The following DOP1B variants were observed in gnomAD, a reference collection of about 807,000 sequenced individuals.
DOP1B encodes the protein DOP1 leucine zipper like protein B.
In DOP1B, 174 loss-of-function variants were observed where a neutral mutation model predicts 233.5. The observed-to-expected ratio is 0.75, with a 90% CI of 0.66 to 0.85. The LOEUF is 0.85. DOP1B is among the 40% of genes least tolerant of loss of function. DOP1B has a pLI of 0.00. For missense variants in DOP1B, 2,652 were observed against 2,846.6 expected (o/e 0.93, Z 1.56); for synonymous variants, 1,190 against 1,185.6 (o/e 1.00, Z -0.08).
chr21:36,199,665 C>T (rs1192297491), intron 3 of DOP1B, among the ~76,000 whole-genome samples: 1 of 152,136 alleles, frequency 6.6e-6, no homozygotes, highest in Admixed American at 6.5e-5. Flanking sequence ...CAATCCCCAC[C>T]TATGAGTGAG....
intron 2 of DOP1B, among the ~76,000 whole-genome samples, chr21:36,196,085 A>G (rs574640782): frequency 6.6e-6 from 1 of 152,254 alleles, no homozygotes; most frequent in Non-Finnish European, 1.5e-5. Flanking sequence ...AGACTGAGGG[A>G]ACCTCTTAGG....
chr21:36,236,781 T>TC (rs955331556), intron 15 of DOP1B, among the ~76,000 whole-genome samples: 50 of 145,384 alleles, frequency 3.4e-4, no homozygotes, highest in Middle Eastern at 3.4e-3. Flanking sequence ...CTTTTTCTTT[T>TC]TTTTTTTTTT....
At chr21:36,273,925 G>T (rs965028908) in intron 27 of DOP1B, among the ~76,000 whole-genome samples, 1 of 151,750 alleles carries the variant, frequency 6.6e-6, no homozygotes, top group Non-Finnish European at 1.5e-5. Context: ...AATACAAAAA[G>T]AAATTAGCCG....
At chr21:36,293,270 C>T in intron 36 of DOP1B, 50 bp from the exon 37 acceptor site, 4 of 1,583,070 alleles carry the variant, frequency 2.5e-6, no homozygotes, top group Non-Finnish European at 3.4e-6. Context: ...CCAGCCATCT[C>T]GAGCCCTCAG....
chr21:36,215,867 G>A (rs1290946377), intron 9 of DOP1B, among the ~76,000 whole-genome samples: 34 of 99,926 alleles, frequency 3.4e-4, no homozygotes, highest in Middle Eastern at 5.2e-3. Flanking sequence ...ACAAAAATTA[G>A]CTGGGCATGG....
At chr21:36,251,121 C>T in intron 21 of DOP1B, 41 bp from the exon 22 acceptor site, 1 of 1,595,172 alleles carries the variant, frequency 6.3e-7, no homozygotes, top group East Asian at 2.2e-5. Flanking sequence ...GCCATAGCCC[C>T]AATATTACTC....
chr21:36,178,448 AAAGG>A (rs2066056475), intron 2 of DOP1B, among the ~76,000 whole-genome samples: 1 of 151,868 alleles, frequency 6.6e-6, no homozygotes, highest in Admixed American at 6.6e-5. Context: ...AAAAAAAAAA[AAAGG>A]AAGAGGAAGA....
At chr21:36,234,505 T>C (rs1294479905) in intron 15 of DOP1B, among the ~76,000 whole-genome samples, 1 of 152,158 alleles carries the variant, frequency 6.6e-6, no homozygotes, top group Admixed American at 6.5e-5. Context: ...TTTCATGTAG[T>C]ACATATTCAA....
chr21:36,210,452 C>G (rs2066482612), intron 5 of DOP1B, among the ~76,000 whole-genome samples: 1 of 152,148 alleles, frequency 6.6e-6, no homozygotes, highest in South Asian at 2.1e-4. Context: ...CAAGACCACC[C>G]TGGCCAACAT....
rs752412718 is a variant in DOP1B at position 36,280,299 on chromosome 21, T to C, written c.5984T>C (p.Ile1995Thr). ...DTSCVHWKSI[I>T]DHLLTHEKTM... ...TTAATATCCAGTTGGAAGTCCATTA[T>C]TGACCATCTTTTGACTCATGAGAAA... The change falls in exon 31 of 37, where the codon ATT becomes ACT. Residue 1995 changes from isoleucine (I) to threonine (T), a missense_variant. Physicochemically the swap from Ile to Thr is moderately conservative, Grantham distance 89 (BLOSUM62 -1). Coordinates refer to ENST00000691173, the MANE Select transcript of DOP1B (RefSeq NM_001320714.2). 6.2e-7 allele frequency: 1 copy of C among 1,609,064 alleles called. No homozygotes were observed. The highest frequency in any genetic ancestry group is 1.7e-4 in the Middle Eastern group (1 of 6,050).
chr21:36,276,346 CAT>C (rs2067349007), intron 27 of DOP1B, among the ~76,000 whole-genome samples: 1 of 152,004 alleles, frequency 6.6e-6, no homozygotes, highest in Non-Finnish European at 1.5e-5. Flanking sequence ...CCCTGGGCAA[CAT>C]AGCAAGACTT....
chr21:36,208,707 A>G lies in DOP1B; in HGVS notation c.492-8A>G. ...GAGCCCTTGAACCCTATCCTCTCTC[A>G]TCAACAGAACGGATGCTCTGCTCCT... On this transcript the variant is annotated splice_region_variant and splice_polypyrimidine_tract_variant and intron_variant, in intron 4 of 36. Coordinates refer to ENST00000691173, the MANE Select transcript of DOP1B (RefSeq NM_001320714.2). The G allele has an allele frequency of 6.2e-7, 1 of 1,611,922 alleles. No individual in the cohort carries two copies. Among genetic ancestry groups the G allele is most frequent in the Non-Finnish European group, 8.5e-7 (1 of 1,179,040 alleles).
intron 4 of DOP1B, among the ~76,000 whole-genome samples, chr21:36,207,887 C>G (rs2123487038): frequency 6.6e-6 from 1 of 152,234 alleles, no homozygotes; most frequent in South Asian, 2.1e-4. Context: ...GCACTGAGGA[C>G]AGGGAAAGGG....
intron 2 of DOP1B, among the ~76,000 whole-genome samples, chr21:36,173,267 A>G (rs2065989275): frequency 6.6e-6 from 1 of 152,184 alleles, no homozygotes; most frequent in Non-Finnish European, 1.5e-5. Flanking sequence ...TTGGAGGAGA[A>G]GACTCATCCA....
intron 11 of DOP1B, among the ~76,000 whole-genome samples, chr21:36,224,173 G>A (rs780268471): frequency 5.4e-4 from 82 of 151,424 alleles, no homozygotes; most frequent in African/African-American, 1.8e-3. Flanking sequence ...ATTTTATGAC[G>A]GAGTCTCTGT....
At chr21:36,189,487 C>T (rs2066205630) in intron 2 of DOP1B, among the ~76,000 whole-genome samples, 1 of 152,312 alleles carries the variant, frequency 6.6e-6, no homozygotes, top group South Asian at 2.1e-4. Flanking sequence ...GTAATCCCAG[C>T]ACTTTGGGAG....
chr21:36,219,367 T>G lies in DOP1B; in HGVS notation c.1130-5T>G. 6.2e-7 allele frequency: 1 copy of G among 1,614,168 alleles called. No homozygotes were observed. The highest frequency in any genetic ancestry group is 8.5e-7 in the Non-Finnish European group (1 of 1,180,026). ...TGTCTCTGACCATCTTCCTTCTAAT[T>G]ACAGGGCCTCAAGTGGTTGGGAATT... On this transcript the variant is annotated splice_region_variant and splice_polypyrimidine_tract_variant and intron_variant, in intron 9 of 36. Transcript: ENST00000691173.
intron 11 of DOP1B, among the ~76,000 whole-genome samples, chr21:36,224,711 C>T (rs1208484668): frequency 1.3e-5 from 2 of 150,072 alleles, no homozygotes; most frequent in Admixed American, 1.4e-4. Flanking sequence ...TTAACTTACC[C>T]ATTTATCTAG....
intron 20 of DOP1B, among the ~76,000 whole-genome samples, chr21:36,248,022 A>G (rs1300442956): frequency 6.6e-6 from 1 of 152,138 alleles, no homozygotes; most frequent in Non-Finnish European, 1.5e-5. Flanking sequence ...ATCTTTTTCC[A>G]TGTATTTTTT....
Sources: allele counts gnomAD v4.1 joint callset (sites outside exome capture counted in the v4.1 genomes callset), GRCh38; gene constraint gnomAD v4.1.1; transcripts MANE v1.5; gene names NCBI Gene and HGNC (gene_info 2026-07-23, HGNC 2026-07-21).